The following EFHC2 variants were observed in gnomAD, a reference collection of about 807,000 sequenced individuals.
EFHC2 encodes EF-hand domain-containing family member C2.
EFHC2 carries 18 observed loss-of-function variants against 52.7 expected under a neutral mutation model. The ratio of observed to expected loss-of-function variants is 0.34; its 90% CI spans 0.24 to 0.51. The LOEUF (loss-of-function observed/expected upper bound fraction) is 0.51, where lower values mean the gene tolerates loss of function less well. EFHC2 is among the 20% of genes least tolerant of loss of function. The pLI is 0.97. For missense variants in EFHC2, 513 were observed against 562.5 expected (o/e 0.91, Z 0.89); for synonymous variants, 203 against 204.1 (o/e 0.99, Z 0.04).
At chrX:44,188,676 G>A (rs957926499) in intron 11 of EFHC2, among the ~76,000 whole-genome samples, 4 of 111,472 alleles carry the variant, frequency 3.6e-5, no homozygotes, top group Non-Finnish European at 7.5e-5. Context: ...TACATATAGC[G>A]AGAAATCCAG....
chrX:44,298,955 C>A (rs1297316136), intron 2 of EFHC2, among the ~76,000 whole-genome samples: 1 of 106,920 alleles, frequency 9.4e-6, no homozygotes, highest in Admixed American at 1.0e-4. Context: ...AAGTTTACCT[C>A]AATAAATGAG....
At position 44,229,724 on chromosome X, in the gene EFHC2, T is replaced by C. The variant is rs1430736916; in HGVS notation, c.1676A>G (p.Lys559Arg). 8.3e-7 allele frequency: 1 copy of C among 1,210,681 alleles called. No individual in the cohort carries two copies. Residue 559 changes from lysine to arginine, a missense_variant, in exon 11 of 15, where the codon AAA becomes AGA. By Grantham distance (26) the Lys-to-Arg change is conservative. Transcript: ENST00000420999. Reference protein sequence around the residue: ...ALQKLKQEEGKSRELKQVFKA... With the variant: ...ALQKLKQEEGRSRELKQVFKA... Reference sequence around the variant, plus strand: ...AAATACCTGCTTGAGCTCTCTGGATTTTCCTTCTTCTTGCTTCAGCTTTTG... The same window carrying C: ...AAATACCTGCTTGAGCTCTCTGGATCTTCCTTCTTCTTGCTTCAGCTTTTG...
chrX:44,287,026 T>TAAAAAAA (rs57970615), intron 2 of EFHC2, among the ~76,000 whole-genome samples: 1 of 15,205 alleles, frequency 6.6e-5, no homozygotes, highest in Non-Finnish European at 1.2e-4. Context: ...CTCCCATCTC[T>TAAAAAAA]AAAAAAAAAA....
At chrX:44,248,665 T>C (rs1186708261) in intron 6 of EFHC2, 138 bp downstream of exon 6, 3 of 542,982 alleles carry the variant, frequency 5.5e-6, no homozygotes, top group Admixed American at 3.4e-5. Context: ...TACTGATAAA[T>C]AGCAGTACAA....
chrX:44,320,404 A>C (rs1346548169), intron 1 of EFHC2, among the ~76,000 whole-genome samples: 1 of 112,313 alleles, frequency 8.9e-6, no homozygotes, highest in Non-Finnish European at 1.9e-5. Context: ...ACTGGCAGGC[A>C]TAACAAAAGG....
chrX:44,168,510 C>T (rs142251538), intron 13 of EFHC2, among the ~76,000 whole-genome samples: 3 of 105,753 alleles, frequency 2.8e-5, no homozygotes, highest in East Asian at 3.0e-4. Flanking sequence ...CCGGCCTGGG[C>T]GACAGAGCGA....
chrX:44,186,976 A>AGGCAT (rs1444991856), intron 11 of EFHC2, among the ~76,000 whole-genome samples: 3 of 106,779 alleles, frequency 2.8e-5, no homozygotes, highest in Non-Finnish European at 5.8e-5. Flanking sequence ...AAAATTAACC[A>AGGCAT]GGCATGGTAG....
rs763919564 is a variant in EFHC2, at chrX:44,235,278, A to G, written c.1423+27T>C. On this transcript the variant is annotated intron_variant, in intron 9 of 14. Coordinates refer to ENST00000420999, the MANE Select transcript of EFHC2 (RefSeq NM_025184.4). ...AGAGACACTTAAAATGTTCTCAAGA[A>G]AATACTGTGAAGAGTATATCTCTTA... 8.1e-5 allele frequency: 89 copies of G among 1,092,849 alleles called. 1 individual carries two copies. In the South Asian group the frequency reaches 2.4e-3, roughly 29 times the overall value. The allele number at this position is 1,092,849 out of a possible 1,213,427, so 90.1% of individuals were successfully genotyped here.
chrX:44,225,808 C>T (rs906874926), intron 11 of EFHC2: 10 of 111,839 alleles, frequency 8.9e-5, no homozygotes, highest in African/African-American at 3.2e-4. Flanking sequence ...AGGATCAGGC[C>T]TAGCTTCTCC....
chrX:44,328,397 T>G (rs1192844981), intron 1 of EFHC2, among the ~76,000 whole-genome samples: 1 of 111,688 alleles, frequency 9.0e-6, no homozygotes, highest in Non-Finnish European at 1.9e-5. Context: ...GAGACAATGC[T>G]GAGCCTCTAT....
intron 14 of EFHC2, among the ~76,000 whole-genome samples, chrX:44,154,542 G>GA (rs1182372317): frequency 3.3e-4 from 33 of 99,661 alleles, no homozygotes; most frequent in South Asian, 4.6e-4. Context: ...CTCTACAAAA[G>GA]AAAAAAAAAA....
At chrX:44,163,825 T>C in intron 14 of EFHC2, 97 bp downstream of exon 14, 1 of 629,739 alleles carries the variant, frequency 1.6e-6, no homozygotes, top group Non-Finnish European at 2.5e-6. Context: ...AGCACTGATG[T>C]TAATATTTTA....
intron 1 of EFHC2, among the ~76,000 whole-genome samples, chrX:44,339,875 T>C (rs2038141705): frequency 1.8e-5 from 2 of 111,823 alleles, no homozygotes; most frequent in South Asian, 7.5e-4. Flanking sequence ...TATTAATTTG[T>C]GGGCAACACA....
At chrX:44,288,204 C>CA (rs1320959823) in intron 2 of EFHC2, among the ~76,000 whole-genome samples, 35 of 108,218 alleles carry the variant, frequency 3.2e-4, no homozygotes, top group Admixed American at 3.1e-3. Context: ...ATGTGATCAT[C>CA]AAAAAAAACT....
At chrX:44,231,958 T>A (rs1009545328) in intron 10 of EFHC2, among the ~76,000 whole-genome samples, 3 of 112,106 alleles carry the variant, frequency 2.7e-5, no homozygotes, top group Non-Finnish European at 5.6e-5. Context: ...AAAAACTCTT[T>A]GAGCTCACTG....
In EFHC2 at chrX:44,319,002, CT is replaced by C. The variant is rs561439134; in HGVS notation, c.43-6247del. Among the ~76,000 whole-genome samples the C allele has an allele frequency of 5.5e-3, 504 of 91,286 alleles. 2 individuals are homozygous for C. Among genetic ancestry groups the C allele is most frequent in the African/African-American group, 0.013 (318 of 24,938 alleles). 79.3% of individuals were successfully genotyped at this position (91,286 alleles called of 115,157 possible). Reference sequence around the variant, plus strand: ...AGGGGGAAGGTCTGAAGGCAAAAGACTTTTTTTTTTTTTTTTTTGAGACAGA... The same window carrying C: ...AGGGGGAAGGTCTGAAGGCAAAAGACTTTTTTTTTTTTTTTTTGAGACAGA... On this transcript the variant is annotated intron_variant, in intron 1 of 14. Transcript: ENST00000420999.
At chrX:44,239,945 C>T (rs1343942676) in intron 8 of EFHC2, among the ~76,000 whole-genome samples, 1 of 111,271 alleles carries the variant, frequency 9.0e-6, no homozygotes, top group Non-Finnish European at 1.9e-5. Context: ...TCTTTATATC[C>T]ATCAAAAGCT....
chrX:44,303,445 C>G (rs1360533023), intron 2 of EFHC2, among the ~76,000 whole-genome samples: 1 of 110,698 alleles, frequency 9.0e-6, no homozygotes, highest in African/African-American at 3.3e-5. Context: ...TAGATGTACC[C>G]CTACTTCCTG....
At chrX:44,309,896 G>A in intron 2 of EFHC2, 1 of 1,128,118 alleles carries the variant, frequency 8.9e-7, no homozygotes, top group South Asian at 1.8e-5. Flanking sequence ...CAATGGCATT[G>A]AAGAGAAATT....
Sources: gnomAD v4.1 joint callset for allele counts (sites outside exome capture counted in the v4.1 genomes callset) on GRCh38, gnomAD v4.1.1 for gene constraint, MANE v1.5 for transcripts, NCBI Gene and HGNC (gene_info 2026-07-23, HGNC 2026-07-21) for gene names.